KCNH8: variants seen among roughly 807,000 people sequenced by gnomAD.
KCNH8 encodes the protein voltage-gated delayed rectifier potassium channel KCNH8.
Under a neutral mutation model 103.6 loss-of-function variants are expected in KCNH8, and 70 were observed. That is an observed-to-expected ratio of 0.68 (90% CI 0.56 to 0.82). The LOEUF is 0.82. Among genes scored for constraint, KCNH8 ranks in the 40% least tolerant of loss-of-function variants. The pLI, the probability that KCNH8 is intolerant of heterozygous loss-of-function variation, is 0.00. For synonymous variants in KCNH8, 498 were observed against 489.4 expected, an observed-to-expected ratio of 1.02 and a Z score of -0.23; for missense variants, 1,217 against 1,329.9, an observed-to-expected ratio of 0.92 and a Z score of 1.32.
chr3:19,257,746 G>A (rs745652189), intron 2 of KCNH8, among the ~76,000 whole-genome samples: 9 of 152,042 alleles, frequency 5.9e-5, no homozygotes, highest in African/African-American at 9.7e-5. Flanking sequence ...TTATTGTGAT[G>A]TATTAGTTTG....
rs116216969 is a variant in KCNH8 at position 19,402,293 on chromosome 3, G to T, written c.1177+6982G>T. 7.9e-3 allele frequency among the ~76,000 whole-genome samples: 1,197 copies of T among 151,872 alleles called. 8 individuals carry two copies. The highest frequency in any genetic ancestry group is 0.011 in the Non-Finnish European group (745 of 67,846). On this transcript the variant is annotated intron_variant, in intron 7 of 15. Coordinates refer to ENST00000328405, the MANE Select transcript of KCNH8 (RefSeq NM_144633.3). ...GTTTTAAAAACACACCTTAGGAAAA[G>T]TTACTAAAACCAATATCATAATAGG... is the stretch of plus-strand genomic sequence containing the variant.
intron 3 of KCNH8, among the ~76,000 whole-genome samples, chr3:19,290,740 A>G (rs531023115): frequency 4.6e-5 from 7 of 152,316 alleles, no homozygotes; most frequent in African/African-American, 1.4e-4. Context: ...CGGCTTTGGT[A>G]TCAGGATGAT....
intron 6 of KCNH8, among the ~76,000 whole-genome samples, chr3:19,392,888 C>T (rs1443012756): frequency 2.0e-5 from 3 of 151,982 alleles, no homozygotes; most frequent in Non-Finnish European, 4.4e-5. Context: ...GGGAAGTTAA[C>T]ATTAAAATAT....
At chr3:19,483,859 G>A (rs1271656913) in intron 11 of KCNH8, among the ~76,000 whole-genome samples, 1 of 151,074 alleles carries the variant, frequency 6.6e-6, no homozygotes, top group African/African-American at 2.5e-5. Context: ...CCTTAGTACA[G>A]GAAGGGCCAT....
At chr3:19,208,263 TAAG>T (rs886851883) in intron 1 of KCNH8, among the ~76,000 whole-genome samples, 14 of 152,172 alleles carry the variant, frequency 9.2e-5, no homozygotes, top group Admixed American at 2.0e-4. Flanking sequence ...GTTTTATTCA[TAAG>T]AAGATATTTA....
chr3:19,501,168 A>G (rs1400907402), intron 11 of KCNH8, among the ~76,000 whole-genome samples: 2 of 152,244 alleles, frequency 1.3e-5, no homozygotes, highest in Admixed American at 1.3e-4. Context: ...AATAAACTGC[A>G]AAATCTAGAA....
intron 11 of KCNH8, among the ~76,000 whole-genome samples, chr3:19,459,161 T>C (rs2067581159): frequency 6.6e-6 from 1 of 152,052 alleles, no homozygotes; most frequent in African/African-American, 2.4e-5. Flanking sequence ...TTAATTTTTT[T>C]AAAGAACTTC....
intron 2 of KCNH8, among the ~76,000 whole-genome samples, chr3:19,266,744 T>A (rs1485839592): frequency 6.6e-6 from 1 of 152,132 alleles, no homozygotes; most frequent in Non-Finnish European, 1.5e-5. Flanking sequence ...AGCCTTGAGA[T>A]GTTGTATACG....
At chr3:19,316,820 A>G (rs1011318837) in intron 3 of KCNH8, among the ~76,000 whole-genome samples, 9 of 152,092 alleles carry the variant, frequency 5.9e-5, no homozygotes, top group East Asian at 3.9e-4. Flanking sequence ...GTCTGGATAA[A>G]TCAGATTGCC....
chr3:19,281,413 AT>A, intron 3 of KCNH8, 84 bp downstream of exon 3: 1 of 1,279,390 alleles, frequency 7.8e-7, no homozygotes, highest in South Asian at 1.4e-5. Flanking sequence ...AAAAACATGC[AT>A]TTTTAATAAC....
chr3:19,445,981 A>G (rs752068754), intron 8 of KCNH8, among the ~76,000 whole-genome samples: 1 of 152,018 alleles, frequency 6.6e-6, no homozygotes, highest in Non-Finnish European at 1.5e-5. Flanking sequence ...TAAGCAGATG[A>G]TGTCCTTTGT....
chr3:19,517,953 G>A (rs774439568), intron 14 of KCNH8, 45 bp from the exon 15 acceptor site: 3 of 1,324,172 alleles, frequency 2.3e-6, no homozygotes, highest in Non-Finnish European at 3.1e-6. Context: ...TCAAATATAA[G>A]GTTTATTCCT....
intron 3 of KCNH8, among the ~76,000 whole-genome samples, chr3:19,282,862 A>T (rs1055896533): frequency 9.2e-5 from 14 of 152,148 alleles, no homozygotes; most frequent in African/African-American, 3.4e-4. Context: ...AGTAGATTGG[A>T]GACCAAAATA....
chr3:19,174,761 A>G (rs1395804695), intron 1 of KCNH8, among the ~76,000 whole-genome samples: 1 of 152,214 alleles, frequency 6.6e-6, no homozygotes, highest in Non-Finnish European at 1.5e-5. Context: ...TATGACTGTT[A>G]AAGTCTGGAG....
intron 3 of KCNH8, among the ~76,000 whole-genome samples, chr3:19,314,465 GA>G: frequency 6.6e-6 from 1 of 152,040 alleles, no homozygotes; most frequent in South Asian, 2.1e-4. Context: ...AGCTCCTCAG[GA>G]GGCTAAGGCA....
intron 3 of KCNH8, among the ~76,000 whole-genome samples, chr3:19,338,026 C>A (rs1276724655): frequency 6.6e-6 from 1 of 150,852 alleles, no homozygotes; most frequent in African/African-American, 2.4e-5. Context: ...GGGAGTTATT[C>A]TTCTTATTCA....
intron 1 of KCNH8, among the ~76,000 whole-genome samples, chr3:19,173,522 G>C (rs750212691): frequency 6.6e-6 from 1 of 152,012 alleles, no homozygotes. Context: ...TATCCACTTT[G>C]TTCACAACAT....
chr3:19,194,443 A>G (rs1336933629), intron 1 of KCNH8, among the ~76,000 whole-genome samples: 2 of 151,850 alleles, frequency 1.3e-5, no homozygotes, highest in African/African-American at 2.4e-5. Context: ...AACCCACACT[A>G]TCTTACTTCT....
At chr3:19,383,174 C>T (rs2066310267) in intron 5 of KCNH8, among the ~76,000 whole-genome samples, 1 of 151,956 alleles carries the variant, frequency 6.6e-6, no homozygotes, top group African/African-American at 2.4e-5. Context: ...TAAAAAGCTA[C>T]CACAAATGCT....
Sources: gnomAD v4.1 joint callset for allele counts (sites outside exome capture counted in the v4.1 genomes callset) on GRCh38, gnomAD v4.1.1 for gene constraint, MANE v1.5 for transcripts, NCBI Gene and HGNC (gene_info 2026-07-23, HGNC 2026-07-21) for gene names.